The following RHBDD1 variants were observed in gnomAD, a reference collection of about 807,000 sequenced individuals.
The protein encoded by RHBDD1 is rhomboid-related protein 4.
RHBDD1 carries 38 observed loss-of-function variants against 36.3 expected under a neutral mutation model. That is an observed-to-expected ratio of 1.05 (90% CI 0.81 to 1.37). The LOEUF (loss-of-function observed/expected upper bound fraction) is 1.37. Among genes scored for constraint, RHBDD1 ranks in the 40% most tolerant of loss-of-function variants. The pLI, the probability that RHBDD1 is intolerant of heterozygous loss-of-function variation, is 0.00. For synonymous variants in RHBDD1, 151 were observed against 136.5 expected (o/e 1.11, Z -0.74); for missense variants, 393 against 377.6 (o/e 1.04, Z -0.34).
At chr2:226,841,881 C>G (rs1428382338) in intron 3 of RHBDD1, among the ~76,000 whole-genome samples, 1 of 152,196 alleles carries the variant, frequency 6.6e-6, no homozygotes, top group East Asian at 1.9e-4. Flanking sequence ...GTCTGTCTTA[C>G]ACAGTGGTTG....
intron 8 of RHBDD1, among the ~76,000 whole-genome samples, chr2:226,960,711 A>G (rs1952130632): frequency 6.6e-6 from 1 of 152,176 alleles, no homozygotes; most frequent in Non-Finnish European, 1.5e-5. Flanking sequence ...AAGCTGTAAT[A>G]TTGACATCTC....
chr2:226,882,010 A>G (rs546653815), intron 5 of RHBDD1, among the ~76,000 whole-genome samples: 2 of 152,376 alleles, frequency 1.3e-5, no homozygotes, highest in African/African-American at 2.4e-5. Flanking sequence ...ACACAGTACA[A>G]TGTTAGGTTC....
chr2:226,908,680 A>T, intron 6 of RHBDD1, 142 bp from the exon 7 acceptor site: 1 of 676,098 alleles, frequency 1.5e-6, no homozygotes, highest in South Asian at 1.8e-5. Context: ...GCCCCCAAAC[A>T]AAAGGGAGTT....
chr2:226,904,355 G>T (rs1280295999), intron 5 of RHBDD1, among the ~76,000 whole-genome samples: 1 of 134,716 alleles, frequency 7.4e-6, no homozygotes, highest in Non-Finnish European at 1.5e-5. Context: ...CCCGTAAGGG[G>T]TTTAAGCATG....
At chr2:226,944,450 C>T (rs1406370213) in intron 8 of RHBDD1, among the ~76,000 whole-genome samples, 2 of 152,108 alleles carry the variant, frequency 1.3e-5, no homozygotes, top group Non-Finnish European at 2.9e-5. Flanking sequence ...GACGTTCTGT[C>T]CTGTCAATTA....
intron 8 of RHBDD1, among the ~76,000 whole-genome samples, chr2:226,925,824 T>C (rs943891494): frequency 1.1e-4 from 17 of 152,222 alleles, no homozygotes; most frequent in African/African-American, 3.9e-4. Context: ...GGTTTCTTAA[T>C]TGCAGAGCTA....
At chr2:226,913,105 CA>C (rs1235120432) in intron 7 of RHBDD1, among the ~76,000 whole-genome samples, 1 of 152,092 alleles carries the variant, frequency 6.6e-6, no homozygotes, top group Non-Finnish European at 1.5e-5. Context: ...CATGAAATCT[CA>C]ATTAATGCAA....
At chr2:226,884,406 A>G (rs1946045083) in intron 5 of RHBDD1, among the ~76,000 whole-genome samples, 1 of 152,136 alleles carries the variant, frequency 6.6e-6, no homozygotes, top group Non-Finnish European at 1.5e-5. Flanking sequence ...TGTTCCCTCC[A>G]TTTAAAGTTG....
At chr2:226,903,077 A>G (rs928203080) in intron 5 of RHBDD1, among the ~76,000 whole-genome samples, 4 of 152,094 alleles carry the variant, frequency 2.6e-5, no homozygotes, top group Admixed American at 2.6e-4. Flanking sequence ...AGTTATTATT[A>G]TTTTTTTAAC....
At chr2:226,862,371 T>TA (rs909157797) in intron 3 of RHBDD1, among the ~76,000 whole-genome samples, 14 of 150,658 alleles carry the variant, frequency 9.3e-5, no homozygotes, top group African/African-American at 2.5e-4. Flanking sequence ...TTTTTTTTTT[T>TA]AACTCTAAAA....
At chr2:226,854,466 C>T (rs904048212) in intron 3 of RHBDD1, among the ~76,000 whole-genome samples, 12 of 151,898 alleles carry the variant, frequency 7.9e-5, no homozygotes, top group Admixed American at 2.0e-4. Flanking sequence ...TGCTGGCGCG[C>T]GCCTGTAATC....
chr2:226,859,473 G>C (rs1015110240), intron 3 of RHBDD1, among the ~76,000 whole-genome samples: 1 of 152,162 alleles, frequency 6.6e-6, no homozygotes, highest in African/African-American at 2.4e-5. Flanking sequence ...AGCATCCATC[G>C]ATTTTGGTAT....
chr2:226,893,829 G>A (rs980675220), intron 5 of RHBDD1, among the ~76,000 whole-genome samples: 3 of 152,086 alleles, frequency 2.0e-5, no homozygotes, highest in African/African-American at 7.2e-5. Context: ...AGACCTCCAC[G>A]ATAAAAATAG....
intron 5 of RHBDD1, among the ~76,000 whole-genome samples, chr2:226,896,633 C>G (rs935583172): frequency 5.9e-5 from 9 of 152,142 alleles, no homozygotes; most frequent in African/African-American, 1.9e-4. Context: ...ATAGATCACT[C>G]CTAAAAATGC....
At chr2:226,888,610 G>T (rs1202115730) in intron 5 of RHBDD1, among the ~76,000 whole-genome samples, 2 of 147,016 alleles carry the variant, frequency 1.4e-5, no homozygotes, top group African/African-American at 5.0e-5. Flanking sequence ...TTTGTGTCTT[G>T]TTTTTTTTTT....
At chr2:226,871,244 T>G (rs1317663884) in intron 5 of RHBDD1, among the ~76,000 whole-genome samples, 1 of 152,184 alleles carries the variant, frequency 6.6e-6, no homozygotes, top group East Asian at 1.9e-4. Flanking sequence ...TCAAAAATAT[T>G]TATAAATTTA....
chr2:226,847,187 A>T (rs1318561514), intron 3 of RHBDD1, among the ~76,000 whole-genome samples: 3 of 152,244 alleles, frequency 2.0e-5, no homozygotes, highest in Non-Finnish European at 4.4e-5. Flanking sequence ...TCCCTAATAT[A>T]CAAGTTGCAT....
intron 8 of RHBDD1, among the ~76,000 whole-genome samples, chr2:226,933,311 A>G (rs1251019762): frequency 1.3e-5 from 2 of 152,102 alleles, no homozygotes; most frequent in Non-Finnish European, 2.9e-5. Flanking sequence ...GCAGCCTTTC[A>G]TACATTTCCT....
intron 5 of RHBDD1, among the ~76,000 whole-genome samples, chr2:226,887,600 T>C (rs1473457073): frequency 2.6e-5 from 4 of 152,256 alleles, no homozygotes; most frequent in Admixed American, 6.5e-5. Flanking sequence ...AAAAATACTT[T>C]AGGACTTGCT....
Sources: gnomAD v4.1 joint callset for allele counts (sites outside exome capture counted in the v4.1 genomes callset) on GRCh38, gnomAD v4.1.1 for gene constraint, MANE v1.5 for transcripts, NCBI Gene and HGNC (gene_info 2026-07-23, HGNC 2026-07-21) for gene names.